SUPT3H: variants seen among roughly 807,000 people sequenced by gnomAD.
The protein encoded by SUPT3H is transcription initiation protein SPT3 homolog.
SUPT3H carries 44 observed loss-of-function variants against 44.3 expected under a neutral mutation model. The ratio of observed to expected loss-of-function variants is 0.99; its 90% CI spans 0.78 to 1.28. The LOEUF (loss-of-function observed/expected upper bound fraction) is 1.28, where lower values mean the gene tolerates loss of function less well. Ranked by LOEUF, SUPT3H falls within the 50% of genes most tolerant of loss-of-function variation. The probability of loss-of-function intolerance (pLI) is 0.00; values close to 1 mark genes in which losing one functional copy is unlikely to be tolerated. For missense variants in SUPT3H, 380 were observed against 387.1 expected, an observed-to-expected ratio of 0.98 and a Z score of 0.15; for synonymous variants, 124 against 125.6, an observed-to-expected ratio of 0.99 and a Z score of 0.09.
intron 3 of SUPT3H, among the ~76,000 whole-genome samples, chr6:45,096,273 A>C (rs892667825): frequency 1.1e-4 from 17 of 152,164 alleles, no homozygotes; most frequent in Admixed American, 7.9e-4. Context: ...CTTATGTAAG[A>C]GTTGGTTTAA....
intron 3 of SUPT3H, among the ~76,000 whole-genome samples, chr6:45,050,871 G>C (rs1228867169): frequency 2.1e-5 from 3 of 145,728 alleles, no homozygotes; most frequent in Non-Finnish European, 3.0e-5. Context: ...GTATAAGAGG[G>C]TATGGGATTT....
intron 11 of SUPT3H, among the ~76,000 whole-genome samples, chr6:44,816,099 G>A (rs569330406): frequency 2.6e-5 from 4 of 152,006 alleles, no homozygotes; most frequent in Admixed American, 1.3e-4. Context: ...ATTTGGAAAC[G>A]AATCAACACA....
At chr6:45,015,995 G>GT (rs951282618) in intron 4 of SUPT3H, among the ~76,000 whole-genome samples, 2 of 151,938 alleles carry the variant, frequency 1.3e-5, no homozygotes, top group African/African-American at 2.4e-5. Flanking sequence ...ACAGTTAAGT[G>GT]TTTTTTGCAA....
chr6:45,141,738 A>G (rs1488303267), intron 2 of SUPT3H, among the ~76,000 whole-genome samples: 1 of 152,202 alleles, frequency 6.6e-6, no homozygotes, highest in African/African-American at 2.4e-5. Flanking sequence ...GTAATAAAAA[A>G]TTGCCAACAA....
chr6:44,825,283 ATAT>A (rs1362698463), downstream of SUPT3H, among the ~76,000 whole-genome samples: 2 of 152,224 alleles, frequency 1.3e-5, no homozygotes, highest in Non-Finnish European at 2.9e-5. Context: ...ACATGATATA[ATAT>A]TCTATTATAT....
rs144758552 is a variant in SUPT3H at position 45,297,509 on chromosome 6, A to G, written c.101+67692T>C. ...TTTAAACACTAGGAGTCCCTCTGTC[A>G]CTGAAGTTCCAAGACAGGTTGGCAG... On this transcript the variant is annotated intron_variant, in intron 2 of 10. Transcript: ENST00000371459. Among the ~76,000 whole-genome samples, 298 of 152,364 alleles carry G rather than the reference A, an allele frequency of 2.0e-3. 3 individuals carry two copies. The highest frequency in any genetic ancestry group is 6.9e-3 in the African/African-American group (285 of 41,590).
chr6:45,180,174 C>T (rs1219134926), intron 2 of SUPT3H, among the ~76,000 whole-genome samples: 1 of 132,274 alleles, frequency 7.6e-6, no homozygotes, highest in Non-Finnish European at 1.6e-5. Flanking sequence ...TGTGAAGGAC[C>T]TCTTCAAGGA....
At chr6:44,935,461 T>C (rs1771248964) in intron 9 of SUPT3H, among the ~76,000 whole-genome samples, 1 of 152,198 alleles carries the variant, frequency 6.6e-6, no homozygotes, top group Non-Finnish European at 1.5e-5. Context: ...TTTATGATAT[T>C]CTTTAAATTT....
chr6:44,940,459 T>C (rs1772216798), intron 9 of SUPT3H, among the ~76,000 whole-genome samples: 1 of 152,114 alleles, frequency 6.6e-6, no homozygotes, highest in Non-Finnish European at 1.5e-5. Flanking sequence ...ACATGTGATA[T>C]CTATCTTGGC....
At chr6:45,062,877 C>A (rs1792407303) in intron 3 of SUPT3H, among the ~76,000 whole-genome samples, 1 of 152,158 alleles carries the variant, frequency 6.6e-6, no homozygotes, top group East Asian at 1.9e-4. Flanking sequence ...GGCAGCGAGG[C>A]TGGGGGAGGG....
chr6:45,220,406 T>A (rs925776262), intron 2 of SUPT3H, among the ~76,000 whole-genome samples: 4 of 151,468 alleles, frequency 2.6e-5, no homozygotes, highest in Non-Finnish European at 5.9e-5. Context: ...TCTGACAAAA[T>A]CCAACATTAT....
chr6:45,257,685 T>C (rs1399819129), intron 2 of SUPT3H, among the ~76,000 whole-genome samples: 1 of 152,068 alleles, frequency 6.6e-6, no homozygotes, highest in Non-Finnish European at 1.5e-5. Flanking sequence ...CGGCATCCCA[T>C]AGGTGGAAGG....
chr6:45,311,864 G>T (rs1360986542), intron 2 of SUPT3H, among the ~76,000 whole-genome samples: 2 of 152,114 alleles, frequency 1.3e-5, no homozygotes, highest in South Asian at 4.2e-4. Context: ...TCTCTTTAAA[G>T]CATAAAGCAC....
chr6:45,322,199 A>C (rs889101049), intron 2 of SUPT3H, among the ~76,000 whole-genome samples: 3 of 151,908 alleles, frequency 2.0e-5, no homozygotes, highest in Non-Finnish European at 2.9e-5. Context: ...TAGTTCATTA[A>C]GCTGAATAAA....
chr6:45,193,848 G>T (rs755182908), intron 2 of SUPT3H, among the ~76,000 whole-genome samples: 15 of 152,168 alleles, frequency 9.9e-5, no homozygotes, highest in Non-Finnish European at 2.2e-4. Flanking sequence ...CTTAGAGTGA[G>T]CCCTCATACA....
Position 45,018,859 on chromosome 6 carries a change from CATAAAATGAGTTAGGGAGG to C in SUPT3H, c.273+1668_273+1686del, listed in dbSNP as rs1201053176. 4.7e-4 allele frequency among the ~76,000 whole-genome samples: 72 copies of C among 151,602 alleles called. No homozygotes were observed. In the East Asian group the frequency reaches 0.014, roughly 29 times the overall value. The stretch of plus-strand genomic sequence containing the variant: ...TTTGGTATCAGGATGATGCTGGCCT[CATAAAATGAGTTAGGGAGG>C]ATTCCCTCTTTTTCTATTGATTGGA... On this transcript the variant is annotated intron_variant, in intron 4 of 10. Coordinates refer to ENST00000371459, the MANE Select transcript of SUPT3H (RefSeq NM_003599.4).
chr6:45,032,439 T>C (rs984205953), intron 3 of SUPT3H, among the ~76,000 whole-genome samples: 1 of 152,170 alleles, frequency 6.6e-6, no homozygotes, highest in African/African-American at 2.4e-5. Context: ...GCATAAGTAT[T>C]GCTTAGGGAT....
At chr6:45,346,662 G>A (rs1048918104) in intron 2 of SUPT3H, among the ~76,000 whole-genome samples, 5 of 151,400 alleles carry the variant, frequency 3.3e-5, no homozygotes, top group African/African-American at 1.2e-4. Flanking sequence ...CCACCTCCTG[G>A]GTTCAAGCAA....
chr6:45,338,364 C>T (rs1378853225), intron 2 of SUPT3H, among the ~76,000 whole-genome samples: 4 of 151,676 alleles, frequency 2.6e-5, no homozygotes, highest in Non-Finnish European at 5.9e-5. Flanking sequence ...AAATTATAGG[C>T]AACTTCTCAA....
Sources: allele counts gnomAD v4.1 joint callset (sites outside exome capture counted in the v4.1 genomes callset), GRCh38; gene constraint gnomAD v4.1.1; transcripts MANE v1.5; gene names NCBI Gene and HGNC (gene_info 2026-07-23, HGNC 2026-07-21).